ZNF469: variants seen among roughly 807,000 people sequenced by gnomAD.
ZNF469 encodes the protein zinc finger protein 469.
Under a neutral mutation model 1.0 loss-of-function variants are expected in ZNF469, and 1 was observed. That is an observed-to-expected ratio of 1.00 (90% CI 0.35 to 4.73). The LOEUF (loss-of-function observed/expected upper bound fraction) is 4.73, where lower values mean the gene tolerates loss of function less well. Ranked by LOEUF, ZNF469 falls within the 30% of genes most tolerant of loss-of-function variation. The pLI is 0.16. For synonymous variants in ZNF469, 2,703 were observed against 2,363.4 expected, an observed-to-expected ratio of 1.14 and a Z score of -4.17; for missense variants, 6,100 against 5,356.3, an observed-to-expected ratio of 1.14 and a Z score of -4.33.
At chr16:88,113,555 G>T in the ZNF469 span, among the ~76,000 whole-genome samples, 2 of 152,148 alleles carry the variant, frequency 1.3e-5, no homozygotes. Flanking sequence ...GCCCGGCTCG[G>T]GGAGGAACAG....
At chr16:88,250,858 C>G in the ZNF469 span, among the ~76,000 whole-genome samples, 1 of 152,186 alleles carries the variant, frequency 6.6e-6, no homozygotes, top group South Asian at 2.1e-4. Flanking sequence ...GGCTTCCTAC[C>G]TGTTCGGGGT....
chr16:88,208,016 G>C, the ZNF469 span, among the ~76,000 whole-genome samples: 2 of 152,132 alleles, frequency 1.3e-5, no homozygotes, highest in Admixed American at 6.5e-5. Flanking sequence ...CCTGTACTTT[G>C]TTAAATTTCA....
chr16:88,293,847 G>A, the ZNF469 span, among the ~76,000 whole-genome samples: 1 of 152,200 alleles, frequency 6.6e-6, no homozygotes, highest in Non-Finnish European at 1.5e-5. Flanking sequence ...GGGGGCTATG[G>A]GTAGCTGATC....
chr16:88,252,913 G>A, the ZNF469 span, among the ~76,000 whole-genome samples: 465 of 152,280 alleles, frequency 3.1e-3, 2 homozygotes, highest in African/African-American at 0.01. Flanking sequence ...TATAGCCTGC[G>A]TTATTTCTGC....
rs191781030 is a variant in ZNF469, at chr16:88,417,966, G to A, written c.-191-6841G>A. Reference sequence around the variant, plus strand: ...TATATGTGTGCATGAGTGTGTCCACGTGTGTGCTCACAGGGAAGGCCTGTC... The same window carrying A: ...TATATGTGTGCATGAGTGTGTCCACATGTGTGCTCACAGGGAAGGCCTGTC... On this transcript the variant is annotated intron_variant, in intron 1 of 2. Coordinates refer to ENST00000565624, the MANE Select transcript of ZNF469 (RefSeq NM_001367624.2). Among the ~76,000 whole-genome samples, 29 of 152,308 alleles carry A rather than the reference G, an allele frequency of 1.9e-4. No individual in the cohort carries two copies. The East Asian group carries it at 5.0e-3, about 26-fold the overall frequency.
chr16:88,329,298 G>A, the ZNF469 span, among the ~76,000 whole-genome samples: 16 of 152,200 alleles, frequency 1.1e-4, no homozygotes, highest in African/African-American at 3.6e-4. Context: ...GAGAAGCCCC[G>A]TTGGAAGGAA....
At chr16:88,370,226 T>C in the ZNF469 span, among the ~76,000 whole-genome samples, 1 of 152,182 alleles carries the variant, frequency 6.6e-6, no homozygotes, top group Admixed American at 6.5e-5. Context: ...ATTTCCAGCA[T>C]CAATAAGAAC....
the ZNF469 span, among the ~76,000 whole-genome samples, chr16:88,118,875 G>C: frequency 6.6e-6 from 1 of 152,198 alleles, no homozygotes; most frequent in Non-Finnish European, 1.5e-5. Flanking sequence ...TTTACAAATA[G>C]ATGCCGAGCT....
chr16:88,233,362 T>C, the ZNF469 span, among the ~76,000 whole-genome samples: 1 of 152,208 alleles, frequency 6.6e-6, no homozygotes, highest in Non-Finnish European at 1.5e-5. Flanking sequence ...GTCAATTCCT[T>C]TTGTCCCTGC....
At chr16:88,128,891 C>T in the ZNF469 span, among the ~76,000 whole-genome samples, 3 of 152,218 alleles carry the variant, frequency 2.0e-5, no homozygotes, top group African/African-American at 7.2e-5. Flanking sequence ...CTCCCCTCGC[C>T]AGCATCTGCC....
the ZNF469 span, among the ~76,000 whole-genome samples, chr16:88,163,967 A>G: frequency 6.9e-6 from 1 of 144,310 alleles, no homozygotes; most frequent in Non-Finnish European, 1.5e-5. Context: ...TGAGCGGGGT[A>G]AGTGGATGAA....
At chr16:88,397,190 C>T (rs1943951291) in intron 1 of ZNF469, among the ~76,000 whole-genome samples, 1 of 152,242 alleles carries the variant, frequency 6.6e-6, no homozygotes, top group African/African-American at 2.4e-5. Context: ...GCACCTCTTC[C>T]TATGAGTTCC....
chr16:88,101,546 T>TC, the ZNF469 span, among the ~76,000 whole-genome samples: 3 of 92,856 alleles, frequency 3.2e-5, no homozygotes, highest in East Asian at 9.4e-4. Context: ...TCATTACGCT[T>TC]TTTTTTTTTT....
At chr16:88,117,607 G>GTGGAGGTGCCACGTGCCTTTGGGGACCA in the ZNF469 span, among the ~76,000 whole-genome samples, 21 of 148,938 alleles carry the variant, frequency 1.4e-4, no homozygotes, top group Non-Finnish European at 2.2e-4. Context: ...TTCGGGGACC[G>GTGGAGGTGCCACGTGCCTTTGGGGACCA]TGGAGGTGCC....
the ZNF469 span, among the ~76,000 whole-genome samples, chr16:88,209,542 C>T: frequency 1.3e-5 from 2 of 152,182 alleles, no homozygotes; most frequent in African/African-American, 2.4e-5. Flanking sequence ...CCTCCCACCT[C>T]GGCCTCCCAA....
chr16:88,261,463 A>G, the ZNF469 span, among the ~76,000 whole-genome samples: 1 of 152,016 alleles, frequency 6.6e-6, no homozygotes, highest in Non-Finnish European at 1.5e-5. The surrounding 1 kb of genome is among the most constrained non-coding windows in gnomAD (Gnocchi z 6.0). Context: ...GAGGCGGGGG[A>G]CTTGTCTGAT....
the ZNF469 span, among the ~76,000 whole-genome samples, chr16:88,308,292 A>T: frequency 6.6e-6 from 1 of 152,120 alleles, no homozygotes. Context: ...CTTTTTCAAG[A>T]TTGTTTTGGC....
At chr16:88,212,601 G>A in the ZNF469 span, among the ~76,000 whole-genome samples, 9 of 150,856 alleles carry the variant, frequency 6.0e-5, 1 homozygote, top group Admixed American at 6.0e-4. Context: ...ATTTATTTTA[G>A]ACAAGGTCTC....
chr16:88,266,489 A>G, the ZNF469 span, among the ~76,000 whole-genome samples: 3 of 152,246 alleles, frequency 2.0e-5, no homozygotes, highest in Non-Finnish European at 4.4e-5. Flanking sequence ...TCAAGTCAAA[A>G]TAAAAATGTA....
Sources: gnomAD v4.1 joint callset for allele counts (sites outside exome capture counted in the v4.1 genomes callset) on GRCh38, gnomAD v4.1.1 for gene constraint, Gnocchi (gnomAD v3.1) non-coding constraint, MANE v1.5 for transcripts, NCBI Gene and HGNC (gene_info 2026-07-23, HGNC 2026-07-21) for gene names.